The following ASXL3 variants were observed in gnomAD, a reference collection of about 807,000 sequenced individuals.
The protein encoded by ASXL3 is ASXL transcriptional regulator 3, also known as putative Polycomb group protein ASXL3.
ASXL3 carries 34 observed loss-of-function variants against 170.6 expected under a neutral mutation model. The observed-to-expected ratio is 0.20, with a 90% CI of 0.15 to 0.27. ASXL3 has a LOEUF of 0.27. ASXL3 is among the 10% of genes least tolerant of loss of function. The pLI is 1.00. For missense variants in ASXL3, 2,592 were observed against 2,695.3 expected, an observed-to-expected ratio of 0.96 and a Z score of 0.85; for synonymous variants, 1,002 against 989.1, an observed-to-expected ratio of 1.01 and a Z score of -0.24.
chr18:33,605,858 C>T (rs1243870004), intron 1 of ASXL3, among the ~76,000 whole-genome samples: 2 of 151,886 alleles, frequency 1.3e-5, no homozygotes, highest in African/African-American at 2.4e-5. Flanking sequence ...CAGTTGCCCT[C>T]TTCCTTGCTT....
chr18:33,579,489 T>TA (rs2064974903), intron 1 of ASXL3, among the ~76,000 whole-genome samples: 1 of 152,198 alleles, frequency 6.6e-6, no homozygotes, highest in South Asian at 2.1e-4. Context: ...TCCTTTTCTT[T>TA]AACCTTTCGG....
At chr18:33,684,517 A>T (rs1473738556) in intron 8 of ASXL3, among the ~76,000 whole-genome samples, 1 of 152,142 alleles carries the variant, frequency 6.6e-6, no homozygotes, top group Non-Finnish European at 1.5e-5. Context: ...TACAATTTAT[A>T]TGTATCTCTT....
At chr18:33,613,221 G>A (rs1254800658) in intron 2 of ASXL3, among the ~76,000 whole-genome samples, 2 of 151,878 alleles carry the variant, frequency 1.3e-5, no homozygotes, top group Admixed American at 1.3e-4. Context: ...GATGGTTCTG[G>A]GTAGTGTTAG....
At chr18:33,705,256 T>G (rs1257326139) in intron 8 of ASXL3, among the ~76,000 whole-genome samples, 1 of 151,664 alleles carries the variant, frequency 6.6e-6, no homozygotes, top group East Asian at 1.9e-4. Context: ...ATGTTTTTAA[T>G]GTCTACTACA....
intron 8 of ASXL3, among the ~76,000 whole-genome samples, chr18:33,687,929 T>C (rs533866389): frequency 2.6e-5 from 4 of 152,318 alleles, no homozygotes; most frequent in African/African-American, 9.6e-5. Context: ...GTCTCAGTTA[T>C]TATTGAAGGA....
chr18:33,691,476 G>C (rs1366242459), intron 8 of ASXL3, among the ~76,000 whole-genome samples: 1 of 152,064 alleles, frequency 6.6e-6, no homozygotes, highest in Non-Finnish European at 1.5e-5. Flanking sequence ...GAGTAATAGA[G>C]GTGTAAGAAA....
intron 1 of ASXL3, among the ~76,000 whole-genome samples, chr18:33,602,635 A>G (rs2145115671): frequency 6.6e-6 from 1 of 152,256 alleles, no homozygotes; most frequent in East Asian, 1.9e-4. Flanking sequence ...GAGTTGTCTA[A>G]TAAATATTAG....
intron 1 of ASXL3, among the ~76,000 whole-genome samples, chr18:33,592,503 C>G (rs1447283679): frequency 6.6e-6 from 1 of 151,994 alleles, no homozygotes; most frequent in African/African-American, 2.4e-5. Flanking sequence ...CTATTTTATT[C>G]ACTTTATTTC....
intron 8 of ASXL3, among the ~76,000 whole-genome samples, chr18:33,705,657 A>G (rs1162140118): frequency 1.3e-5 from 2 of 151,876 alleles, no homozygotes; most frequent in African/African-American, 2.4e-5. Context: ...TACTGTATTT[A>G]TCTTTATTGT....
chr18:33,746,733 T>A lies in ASXL3; in HGVS notation c.*138T>A. ...GAGCAGGTACCTTTCCTCTATGGCA[T>A]TATTTTCTTGCATTTCTCATAAAGG... On this transcript the variant is annotated 3_prime_UTR_variant, in exon 12 of 12. Coordinates refer to ENST00000269197, the MANE Select transcript of ASXL3 (RefSeq NM_030632.3). 7.3e-7 allele frequency: 1 copy of A among 1,361,818 alleles called. No individual in the cohort carries two copies. The highest frequency in any genetic ancestry group is 9.7e-7 in the Non-Finnish European group (1 of 1,034,004). 84.4% of individuals were successfully genotyped at this position (1,361,818 alleles called of 1,614,324 possible). A position where few individuals can be genotyped will look rare whatever the true frequency, so the allele number is the denominator to read the frequency against.
chr18:33,657,631 G>A (rs747445561), intron 4 of ASXL3, among the ~76,000 whole-genome samples: 2 of 152,182 alleles, frequency 1.3e-5, no homozygotes, highest in South Asian at 2.1e-4. Context: ...ACTGAAGCCC[G>A]CAGTTTTGCT....
chr18:33,738,733 G>C lies in ASXL3; in HGVS notation c.1329G>C (p.Leu443Phe). The C allele has an allele frequency of 1.2e-6, 2 of 1,613,934 alleles. No homozygotes were observed. The highest frequency in any genetic ancestry group is 1.7e-5 in the Admixed American group (1 of 60,028). Residue 443 changes from leucine (L) to phenylalanine (F), a missense_variant, in exon 11 of 12, where the codon TTG (leucine) becomes TTC (phenylalanine). Around this residue, in one of 4 missense-constraint regions of ASXL3, gnomAD observed 2,246 missense variants for 2,219.6 expected, o/e 1.01. Coordinates refer to ENST00000269197, the MANE Select transcript of ASXL3 (RefSeq NM_030632.3). Reference protein sequence around the residue: ...IMAELESEDILIPEESVIQEE... With the variant: ...IMAELESEDIFIPEESVIQEE... ...CAGAATTGGAGTCAGAGGATATCTT[G>C]ATCCCTGAAGAATCTGTAATTCAGG...
intron 7 of ASXL3, 119 bp downstream of exon 7, chr18:33,671,985 C>T: frequency 4.5e-6 from 5 of 1,119,488 alleles, no homozygotes; most frequent in Non-Finnish European, 6.1e-6. Context: ...AAATTTCCCT[C>T]CATTTATCAA....
chr18:33,729,706 A>G (rs1452965203), intron 8 of ASXL3, among the ~76,000 whole-genome samples: 1 of 152,126 alleles, frequency 6.6e-6, no homozygotes, highest in East Asian at 1.9e-4. Context: ...AGCTGGTTTT[A>G]AGGATGTTGT....
At chr18:33,676,357 T>G (rs2066430785) in intron 7 of ASXL3, among the ~76,000 whole-genome samples, 1 of 152,140 alleles carries the variant, frequency 6.6e-6, no homozygotes, top group South Asian at 2.1e-4. Flanking sequence ...TTGTTCTGTT[T>G]GTTTGCCCAT....
At chr18:33,588,511 T>G (rs2145094827) in intron 1 of ASXL3, among the ~76,000 whole-genome samples, 1 of 152,220 alleles carries the variant, frequency 6.6e-6, no homozygotes, top group Admixed American at 6.5e-5. Context: ...AATATTGCTG[T>G]GGGCACTAAT....
intron 2 of ASXL3, among the ~76,000 whole-genome samples, chr18:33,608,810 G>A (rs1370286624): frequency 6.6e-6 from 1 of 151,896 alleles, no homozygotes; most frequent in African/African-American, 2.4e-5. Flanking sequence ...CTGACTTTTT[G>A]TGAAAAATAG....
chr18:33,665,533 G>A (rs1375207982), intron 5 of ASXL3, among the ~76,000 whole-genome samples: 1 of 152,178 alleles, frequency 6.6e-6, no homozygotes, highest in African/African-American at 2.4e-5. Context: ...CAGATTTTCA[G>A]TGGAAGAGTT....
intron 8 of ASXL3, among the ~76,000 whole-genome samples, chr18:33,694,944 G>A (rs2066748150): frequency 6.6e-6 from 1 of 152,054 alleles, no homozygotes; most frequent in Non-Finnish European, 1.5e-5. Context: ...ATTTCTGATG[G>A]CTCTGTTGGC....
Sources: allele counts gnomAD v4.1 joint callset (sites outside exome capture counted in the v4.1 genomes callset), GRCh38; gene constraint gnomAD v4.1.1; regional missense constraint gnomAD v4.1.1; transcripts MANE v1.5; gene names NCBI Gene and HGNC (gene_info 2026-07-23, HGNC 2026-07-21).